Variants in MICAL2 observed in about 807,000 individuals in gnomAD.
MICAL2 encodes [F-actin]-monooxygenase MICAL2.
MICAL2 carries 77 observed loss-of-function variants against 127.3 expected under a neutral mutation model. The ratio of observed to expected loss-of-function variants is 0.60; its 90% CI spans 0.50 to 0.73. The LOEUF is 0.73. Ranked by LOEUF, MICAL2 falls within the 30% of genes least tolerant of loss-of-function variation. MICAL2 has a pLI of 0.00. For missense variants in MICAL2, 1,351 were observed against 1,434.4 expected (o/e 0.94, Z 0.94); for synonymous variants, 570 against 551.1 (o/e 1.03, Z -0.48).
intron 26 of MICAL2, chr11:12,261,888 G>A (rs527526446): frequency 1.0e-6 from 1 of 986,152 alleles, no homozygotes; most frequent in African/African-American, 1.7e-5. Flanking sequence ...GATTCCTTTT[G>A]TTTGAGTATA....
In MICAL2 at chr11:12,262,318, A is replaced by C; in HGVS notation, c.3335-162A>C. ...ACAACCAGAAAGGTTCATCTCTCCTAAGCAAACAGCGACTCTTTCAGAGGA... is the reference window on the plus strand; with the variant it reads ...ACAACCAGAAAGGTTCATCTCTCCTCAGCAAACAGCGACTCTTTCAGAGGA... On this transcript the variant is annotated intron_variant, in intron 26 of 27. Coordinates refer to ENST00000683283, the MANE Select transcript of MICAL2 (RefSeq NM_001282663.2). 2.0e-6 allele frequency: 3 copies of C among 1,479,744 alleles called. No individual in the cohort carries two copies. In the South Asian group the frequency reaches 4.2e-5, roughly 21 times the overall value. 91.7% of individuals were successfully genotyped at this position (1,479,744 alleles called of 1,614,324 possible).
chr11:12,118,238 G>C (rs1850206877), intron 1 of MICAL2, among the ~76,000 whole-genome samples: 1 of 152,110 alleles, frequency 6.6e-6, no homozygotes, highest in Non-Finnish European at 1.5e-5. Flanking sequence ...AGATGCATAG[G>C]ACTTACCTTC....
chr11:12,236,043 G>C (rs988658382), intron 15 of MICAL2, 134 bp from the exon 16 acceptor site: 1 of 728,992 alleles, frequency 1.4e-6, no homozygotes, highest in Non-Finnish European at 2.5e-6. Flanking sequence ...CCTGCCTGTA[G>C]GCTGACAGCT....
At chr11:12,194,748 T>C (rs964599927) in intron 3 of MICAL2, among the ~76,000 whole-genome samples, 2 of 152,046 alleles carry the variant, frequency 1.3e-5, no homozygotes, top group Non-Finnish European at 2.9e-5. Context: ...TCTGTGCTAT[T>C]AAAAGAAAAC....
At chr11:12,228,160 A>G (rs1485088290) in intron 15 of MICAL2, among the ~76,000 whole-genome samples, 8 of 152,154 alleles carry the variant, frequency 5.3e-5, no homozygotes, top group Non-Finnish European at 1.0e-4. Context: ...GAAACCCCGT[A>G]TCTACTAAAA....
Position 12,123,467 on chromosome 11 carries a change from A to G in MICAL2, c.-149+12741A>G, listed in dbSNP as rs556149782. On this transcript the variant is annotated intron_variant, in intron 1 of 27. Coordinates refer to ENST00000683283, the MANE Select transcript of MICAL2 (RefSeq NM_001282663.2). ...TGTTTTCTTGATTTTACCAGAAGGC[A>G]TCAATGAAAGTTTTTTTGTTAACAA... Among the ~76,000 whole-genome samples the G allele has an allele frequency of 2.0e-4, 30 of 152,314 alleles. No homozygotes were observed. The South Asian group carries it at 5.6e-3, about 28-fold the overall frequency.
At chr11:12,188,871 G>C (rs572630144) in intron 3 of MICAL2, among the ~76,000 whole-genome samples, 2 of 152,134 alleles carry the variant, frequency 1.3e-5, no homozygotes, top group African/African-American at 2.4e-5. Flanking sequence ...TAGCATTATT[G>C]TTAAAATTTG....
intron 22 of MICAL2, chr11:12,253,454 A>T (rs370520249): frequency 1.3e-4 from 20 of 152,222 alleles, no homozygotes; most frequent in African/African-American, 4.8e-4. Context: ...TGGGAGCTTC[A>T]AGGCAGGCTA....
intron 25 of MICAL2, 129 bp from the exon 26 acceptor site, chr11:12,259,663 CGGG>C (rs886784905): frequency 2.5e-6 from 2 of 784,632 alleles, no homozygotes; most frequent in Admixed American, 7.1e-5. Flanking sequence ...CAGCATGAGT[CGGG>C]GGGCTGAGAT....
intron 3 of MICAL2, among the ~76,000 whole-genome samples, chr11:12,172,745 A>T (rs557653340): frequency 6.6e-6 from 1 of 152,014 alleles, no homozygotes; most frequent in African/African-American, 2.4e-5. Flanking sequence ...CCCATCTCAC[A>T]CATTGAATCC....
intron 1 of MICAL2, among the ~76,000 whole-genome samples, chr11:12,113,198 C>T (rs546385574): frequency 6.6e-6 from 1 of 152,268 alleles, no homozygotes; most frequent in South Asian, 2.1e-4. Flanking sequence ...TTCATTCTGC[C>T]TCTAAAGAAG....
chr11:12,152,241 T>G (rs1219177885), intron 2 of MICAL2, among the ~76,000 whole-genome samples: 1 of 119,388 alleles, frequency 8.4e-6, no homozygotes, highest in Non-Finnish European at 1.6e-5. Flanking sequence ...GAGGTTGCAG[T>G]AAGCCAAGAT....
intron 32 of MICAL2, among the ~76,000 whole-genome samples, chr11:12,343,127 G>A (rs1938896528): frequency 6.6e-6 from 1 of 152,140 alleles, no homozygotes; most frequent in Non-Finnish European, 1.5e-5. Flanking sequence ...TGAAAAATAG[G>A]CTGGGCGCCG....
upstream of MICAL2, among the ~76,000 whole-genome samples, chr11:12,275,111 C>A (rs775118876): frequency 2.0e-5 from 3 of 152,118 alleles, no homozygotes; most frequent in African/African-American, 7.2e-5. Flanking sequence ...CAAGAGCAGT[C>A]AAAGATGCTG....
chr11:12,127,684 C>T (rs554113536), intron 1 of MICAL2, among the ~76,000 whole-genome samples: 226 of 152,288 alleles, frequency 1.5e-3, no homozygotes, highest in African/African-American at 3.0e-3. Flanking sequence ...TGATCCTCTT[C>T]GACCTGTTGG....
chr11:12,331,651 C>T (rs1864429701), intron 32 of MICAL2, among the ~76,000 whole-genome samples: 1 of 152,172 alleles, frequency 6.6e-6, no homozygotes, highest in African/African-American at 2.4e-5. Context: ...TAGAATCAGA[C>T]ACTCCTGAGT....
intron 6 of MICAL2, among the ~76,000 whole-genome samples, chr11:12,212,131 G>A (rs186237982): frequency 1.3e-5 from 2 of 152,242 alleles, no homozygotes; most frequent in African/African-American, 4.8e-5. Flanking sequence ...AGGTGCATCA[G>A]CCATACAGGG....
downstream of MICAL2, among the ~76,000 whole-genome samples, chr11:12,266,816 G>C (rs1863614064): frequency 6.6e-6 from 1 of 152,228 alleles, no homozygotes; most frequent in South Asian, 2.1e-4. Flanking sequence ...CATTAGACAG[G>C]TCCCTTCTGT....
chr11:12,221,691 C>G lies in MICAL2; in HGVS notation c.1254C>G (p.Ala418=). 1 of 1,613,954 alleles carries G rather than the reference C, an allele frequency of 6.2e-7. No individual in the cohort carries two copies. The highest frequency in any genetic ancestry group is 1.3e-5 in the African/African-American group (1 of 75,048). ...GTGCARGFLA[A]FDTAWMVKSW... ...GCTGTGCCCGTGGCTTCCTGGCAGCCTTTGACACGGCATGGATGGTGAAGA... is the reference window on the plus strand; with the variant it reads ...GCTGTGCCCGTGGCTTCCTGGCAGCGTTTGACACGGCATGGATGGTGAAGA... The change falls in exon 10 of 28, where the codon GCC becomes GCG. Residue 418 remains alanine, a synonymous_variant. Transcript: ENST00000683283.
Sources: gnomAD v4.1 joint callset for allele counts (sites outside exome capture counted in the v4.1 genomes callset) on GRCh38, gnomAD v4.1.1 for gene constraint, MANE v1.5 for transcripts, NCBI Gene and HGNC (gene_info 2026-07-23, HGNC 2026-07-21) for gene names.